CPS1: variants seen among roughly 807,000 people sequenced by gnomAD.
The protein encoded by CPS1 is carbamoyl-phosphate synthase [ammonia], mitochondrial.
CPS1 carries 109 observed loss-of-function variants against 174.6 expected under a neutral mutation model. The observed-to-expected ratio is 0.62, with a 90% confidence interval of 0.53 to 0.73. The LOEUF is 0.73. Among genes scored for constraint, CPS1 ranks in the 30% least tolerant of loss-of-function variants. The pLI is 0.00. For synonymous variants in CPS1, 637 were observed against 632.0 expected (o/e 1.01, Z -0.12); for missense variants, 1,689 against 1,821.9 (o/e 0.93, Z 1.33).
intron 15 of CPS1, among the ~76,000 whole-genome samples, chr2:210,601,938 C>T (rs999461018): frequency 1.3e-5 from 2 of 151,772 alleles, no homozygotes; most frequent in African/African-American, 4.8e-5. Context: ...GACCATGGTT[C>T]TGTTTCAATA....
At chr2:210,598,175 A>G (rs540760979) in intron 13 of CPS1, among the ~76,000 whole-genome samples, 1 of 151,922 alleles carries the variant, frequency 6.6e-6, no homozygotes, top group African/African-American at 2.4e-5. Flanking sequence ...TATTGAGGGA[A>G]TTCATTACCA....
At position 210,665,572 on chromosome 2, in the gene CPS1, G is replaced by A. The variant is rs189796303; in HGVS notation, c.4002+2375G>A. ...TTCCCACCTATGAGTGAGAACATGCGGTGTTTGGTTTTTTGTCCTTGCAAT... is the reference window on the plus strand; with the variant it reads ...TTCCCACCTATGAGTGAGAACATGCAGTGTTTGGTTTTTTGTCCTTGCAAT... On this transcript the variant is annotated intron_variant, in intron 33 of 37. Coordinates refer to ENST00000233072, the MANE Select transcript of CPS1 (RefSeq NM_001875.5). Among the ~76,000 whole-genome samples, 702 of 150,276 alleles carry A rather than the reference G, an allele frequency of 4.7e-3. 3 individuals are homozygous for A. The highest frequency in any genetic ancestry group is 0.015 in the African/African-American group (610 of 40,918).
At chr2:210,511,784 T>G (rs933423973) in intron 1 of CPS1, among the ~76,000 whole-genome samples, 3 of 152,120 alleles carry the variant, frequency 2.0e-5, no homozygotes, top group Non-Finnish European at 2.9e-5. Flanking sequence ...GAGGGAGGAC[T>G]ATAGACTAAA....
intron 1 of CPS1, among the ~76,000 whole-genome samples, chr2:210,510,805 G>C (rs1695446908): frequency 6.6e-6 from 1 of 152,186 alleles, no homozygotes; most frequent in African/African-American, 2.4e-5. Context: ...GGCCATCAGA[G>C]AAATGCAAAT....
intron 21 of CPS1, among the ~76,000 whole-genome samples, chr2:210,623,866 C>A (rs1361873542): frequency 1.3e-5 from 2 of 151,962 alleles, no homozygotes; most frequent in Non-Finnish European, 2.9e-5. Flanking sequence ...TGTGCTTATG[C>A]TTGATTGAAG....
chr2:210,589,919 C>T (rs912629944), intron 7 of CPS1, among the ~76,000 whole-genome samples, 187 bp from the exon 8 acceptor site: 1 of 151,818 alleles, frequency 6.6e-6, no homozygotes. Flanking sequence ...TCCCTATGTG[C>T]TAGGATCACC....
chr2:210,501,610 C>T (rs1345111283), intron 1 of CPS1, among the ~76,000 whole-genome samples: 4 of 152,158 alleles, frequency 2.6e-5, no homozygotes. Flanking sequence ...TTTGCTAAAG[C>T]ATAGCAATAC....
At chr2:210,629,816 T>G (rs1015394907) in intron 21 of CPS1, among the ~76,000 whole-genome samples, 18 of 148,888 alleles carry the variant, frequency 1.2e-4, no homozygotes, top group African/African-American at 4.2e-4. Flanking sequence ...TTTGGGAGGC[T>G]GAGGCGGGCA....
chr2:210,576,208 A>G, intron 2 of CPS1, 138 bp from the exon 3 acceptor site: 2 of 979,320 alleles, frequency 2.0e-6, no homozygotes, highest in Non-Finnish European at 3.3e-6. Flanking sequence ...ACATTTCCCC[A>G]GGTACGTTAA....
At chr2:210,538,936 A>G (rs1248377398) in intron 1 of CPS1, among the ~76,000 whole-genome samples, 2 of 152,116 alleles carry the variant, frequency 1.3e-5, no homozygotes, top group African/African-American at 4.8e-5. Context: ...TTATGATAAT[A>G]CCCCTTCAGA....
rs1553502814 is a variant in CPS1 at position 210,512,879 on chromosome 2, G to GAGAT, written c.3+35114_3+35115insGATA. Among the ~76,000 whole-genome samples the GAGAT allele has an allele frequency of 4.3e-5, 3 of 70,322 alleles. 1 individual carries two copies. The highest frequency in any genetic ancestry group is 7.3e-5 in the Non-Finnish European group (3 of 41,120). 46.1% of individuals were successfully genotyped at this position (70,322 alleles called of 152,430 possible). A position where few individuals can be genotyped will look rare whatever the true frequency, so the allele number is the denominator to read the frequency against. On this transcript the variant is annotated intron_variant, in intron 1 of 38. Coordinates refer to the CPS1 transcript ENST00000430249. ...ATATATATAGATATATATATATAGA[G>GAGAT]ATATATATATGGAGATATATATATA... is the stretch of plus-strand genomic sequence containing the variant.
At chr2:210,538,931 A>G (rs987272699) in intron 1 of CPS1, among the ~76,000 whole-genome samples, 1 of 152,150 alleles carries the variant, frequency 6.6e-6, no homozygotes, top group African/African-American at 2.4e-5. Context: ...TACTATTATG[A>G]TAATACCCCT....
chr2:210,488,381 T>G (rs1694782375), intron 1 of CPS1, among the ~76,000 whole-genome samples: 1 of 152,340 alleles, frequency 6.6e-6, no homozygotes, highest in South Asian at 2.1e-4. Flanking sequence ...TAGTTTTTAT[T>G]TGAAAAGCGA....
chr2:210,478,632 C>T (rs974248726), intron 1 of CPS1, among the ~76,000 whole-genome samples: 3 of 152,128 alleles, frequency 2.0e-5, no homozygotes, highest in Non-Finnish European at 2.9e-5. Flanking sequence ...AAGTTAAACC[C>T]ATCTAATTGT....
rs766234728 is a variant in CPS1 at position 210,677,100 on chromosome 2, T to C, written c.4368T>C (p.Ala1456=). The C allele has an allele frequency of 6.2e-7, 1 of 1,613,866 alleles. No homozygotes were observed. Among genetic ancestry groups the C allele is most frequent in the South Asian group, 1.1e-5 (1 of 91,070 alleles). Residue 1456 remains alanine (A), a synonymous_variant, in exon 37 of 38, where the codon GCT becomes GCC. Transcript: ENST00000233072. ...VHDNYVIRRT[A]VDSGIPLLTN... ...ATAATTATGTGATTCGGAGGACAGC[T>C]GTTGATAGTGGAATCCCTCTCCTCA...
At chr2:210,479,450 T>C (rs1205046463) in intron 1 of CPS1, among the ~76,000 whole-genome samples, 2 of 150,094 alleles carry the variant, frequency 1.3e-5, no homozygotes, top group Non-Finnish European at 3.0e-5. Context: ...TGCCTCAGCC[T>C]CCAGAGTAGC....
At position 210,582,704 on chromosome 2, in the gene CPS1, A is replaced by G. The variant is rs762605091; in HGVS notation, c.616A>G (p.Thr206Ala). 6 of 1,610,262 alleles carry G rather than the reference A, an allele frequency of 3.7e-6. No homozygotes were observed. The highest frequency in any genetic ancestry group is 1.7e-4 in the Middle Eastern group (1 of 6,048). Reference protein sequence around the residue: ...NKQNLIAEVSTKDVKVYGKGN... With the variant: ...NKQNLIAEVSAKDVKVYGKGN... Reference sequence around the variant, plus strand: ...ACAGAATTTGATTGCTGAGGTTTCAACCAAGGTGAGGGGTTTTCCTTTATA... The same window carrying G: ...ACAGAATTTGATTGCTGAGGTTTCAGCCAAGGTGAGGGGTTTTCCTTTATA... Residue 206 changes from threonine (T) to alanine (A), a missense_variant, in exon 6 of 38, where the codon ACC becomes GCC. By Grantham distance (58) the Thr-to-Ala change is moderately conservative. Transcript: ENST00000233072.
At chr2:210,658,810 T>C in intron 31 of CPS1, 122 bp downstream of exon 31, 1 of 745,688 alleles carries the variant, frequency 1.3e-6, no homozygotes, top group South Asian at 1.5e-5. Context: ...CCTGGATCTG[T>C]TTGTGTCTGA....
chr2:210,674,239 C>G (rs796253120), intron 34 of CPS1: 1 of 151,990 alleles, frequency 6.6e-6, no homozygotes, highest in Non-Finnish European at 1.5e-5. Flanking sequence ...TTTGGGAGGC[C>G]GAGGTGGGTG....
Sources: allele counts gnomAD v4.1 joint callset (sites outside exome capture counted in the v4.1 genomes callset), GRCh38; gene constraint gnomAD v4.1.1; transcripts MANE v1.5; gene names NCBI Gene and HGNC (gene_info 2026-07-23, HGNC 2026-07-21).